HSD17B4: variants seen among roughly 807,000 people sequenced by gnomAD.
The protein encoded by HSD17B4 is hydroxysteroid 17-beta dehydrogenase 4.
A neutral mutation model predicts 101.0 loss-of-function variants in HSD17B4; 70 were observed. The observed-to-expected ratio is 0.69, with a 90% confidence interval of 0.57 to 0.85. The LOEUF (loss-of-function observed/expected upper bound fraction) is 0.85. Ranked by LOEUF, HSD17B4 falls within the 40% of genes least tolerant of loss-of-function variation. HSD17B4 has a pLI of 0.00. For missense variants in HSD17B4, 984 were observed against 892.4 expected (o/e 1.10, Z -1.31); for synonymous variants, 347 against 297.1 (o/e 1.17, Z -1.73).
rs147783941 is a variant in HSD17B4 at position 119,464,884 on chromosome 5, G to A, written c.112+8516G>A. On this transcript the variant is annotated intron_variant, in intron 2 of 23. Transcript: ENST00000510025. ...GCTGGGATTATAGGCGTGAGCCACC[G>A]CGCCCGGCCTTTGGTAGCTCTAGCT... Among the ~76,000 whole-genome samples, 161 of 152,282 alleles carry A rather than the reference G, an allele frequency of 1.1e-3. 2 individuals carry two copies. In the East Asian group the frequency reaches 0.015, roughly 14 times the overall value.
intron 23 of HSD17B4, among the ~76,000 whole-genome samples, chr5:119,537,839 CTGT>C (rs1688668619): frequency 6.6e-6 from 1 of 152,120 alleles, no homozygotes; most frequent in Non-Finnish European, 1.5e-5. Context: ...GGTTCTCCAG[CTGT>C]TGTTTGCCAA....
chr5:119,521,690 G>T (rs1251210034), intron 17 of HSD17B4, among the ~76,000 whole-genome samples: 3 of 151,318 alleles, frequency 2.0e-5, no homozygotes, highest in African/African-American at 7.3e-5. Context: ...ATATGATTTT[G>T]ATTTTTTCTT....
intron 16 of HSD17B4, among the ~76,000 whole-genome samples, chr5:119,514,219 T>A (rs1752415911): frequency 6.6e-6 from 1 of 152,230 alleles, no homozygotes; most frequent in South Asian, 2.1e-4. Context: ...TTTTATGTTT[T>A]GGGTGTGGCG....
chr5:119,532,005 C>T (rs1174474331), intron 22 of HSD17B4, among the ~76,000 whole-genome samples: 1 of 151,988 alleles, frequency 6.6e-6, no homozygotes. Flanking sequence ...TGTGGAGGTC[C>T]AAAGAGACCC....
intron 22 of HSD17B4, 56 bp downstream of exon 22, chr5:119,531,460 A>C (rs947553200): frequency 6.5e-7 from 1 of 1,542,352 alleles, no homozygotes; most frequent in Non-Finnish European, 8.9e-7. Flanking sequence ...TAAATAAAGT[A>C]TCTTTTTAAC....
chr5:119,511,218 A>G (rs191578896), intron 16 of HSD17B4, among the ~76,000 whole-genome samples: 21 of 152,326 alleles, frequency 1.4e-4, no homozygotes, highest in Admixed American at 1.3e-3. Context: ...ACAAGGAAAC[A>G]GAGTCTTTTT....
chr5:119,502,527 A>T (rs1751266674), intron 14 of HSD17B4, among the ~76,000 whole-genome samples: 1 of 104,442 alleles, frequency 9.6e-6, no homozygotes, highest in Admixed American at 1.0e-4. Flanking sequence ...AGAAAATAAA[A>T]ACAAGTCTTT....
intron 15 of HSD17B4, among the ~76,000 whole-genome samples, 184 bp downstream of exon 15, chr5:119,507,073 T>C (rs1009166051): frequency 6.6e-6 from 1 of 152,210 alleles, no homozygotes; most frequent in Non-Finnish European, 1.5e-5. Flanking sequence ...CATTTATTTC[T>C]GGGCTTAGGC....
At chr5:119,501,953 A>AAAATG in intron 13 of HSD17B4, 88 bp from the exon 14 acceptor site, 3 of 800,000 alleles carry the variant, frequency 3.8e-6, no homozygotes, top group Non-Finnish European at 6.7e-6. Flanking sequence ...TGTGGATGGT[A>AAAATG]AAATGTCACT....
chr5:119,527,216 C>T lies in HSD17B4; in HGVS notation c.1764C>T (p.Thr588=). ...AAGGAAACAGAATTCATTTTCAAACCAAGGTATGAATTTTGCTTTTTCACC... is the reference window on the plus strand; with the variant it reads ...AAGGAAACAGAATTCATTTTCAAACTAAGGTATGAATTTTGCTTTTTCACC... ...WKEGNRIHFQ[T]KVQETGDIVI... Residue 588 remains threonine (T), a synonymous_variant, in exon 20 of 24, where the codon ACC becomes ACT. Transcript: ENST00000510025. 1 of 1,589,980 alleles carries T rather than the reference C, an allele frequency of 6.3e-7. No homozygotes were observed. Among genetic ancestry groups the T allele is most frequent in the Non-Finnish European group, 8.6e-7 (1 of 1,158,702 alleles).
chr5:119,537,152 G>A (rs954762701), intron 23 of HSD17B4, among the ~76,000 whole-genome samples: 1 of 152,020 alleles, frequency 6.6e-6, no homozygotes, highest in African/African-American at 2.4e-5. Flanking sequence ...TTAGAATGAA[G>A]GAGTTCAAAC....
chr5:119,533,369 C>G (rs1254439816), intron 22 of HSD17B4, among the ~76,000 whole-genome samples: 2 of 149,270 alleles, frequency 1.3e-5, no homozygotes, highest in Non-Finnish European at 3.0e-5. Context: ...GTTGAGGAAA[C>G]AAAGGTTGTT....
intron 13 of HSD17B4, among the ~76,000 whole-genome samples, chr5:119,501,185 G>A (rs1254524875): frequency 1.3e-5 from 2 of 151,990 alleles, no homozygotes; most frequent in African/African-American, 2.4e-5. Context: ...ATTGGAAATC[G>A]TAAATGGTGT....
intron 1 of HSD17B4, among the ~76,000 whole-genome samples, chr5:119,453,595 T>C (rs900656556): frequency 1.3e-5 from 2 of 152,246 alleles, no homozygotes; most frequent in African/African-American, 4.8e-5. Flanking sequence ...CCCTAATGCA[T>C]GAATTATTTG....
At chr5:119,494,591 A>G (rs1580609911) in intron 11 of HSD17B4, among the ~76,000 whole-genome samples, 2 of 152,206 alleles carry the variant, frequency 1.3e-5, no homozygotes, top group South Asian at 4.1e-4. Context: ...AAAACCGCCC[A>G]GATATTCTAG....
chr5:119,478,387 A>T (rs1335031737), intron 7 of HSD17B4, among the ~76,000 whole-genome samples: 1 of 152,160 alleles, frequency 6.6e-6, no homozygotes, highest in Non-Finnish European at 1.5e-5. Flanking sequence ...AATAAATAAT[A>T]TGATTTATTT....
chr5:119,492,249 A>G, intron 10 of HSD17B4, 125 bp downstream of exon 10: 1 of 782,570 alleles, frequency 1.3e-6, no homozygotes, highest in Non-Finnish European at 2.3e-6. Context: ...TGCATATTCA[A>G]ACTTAAACAT....
chr5:119,526,362 T>G (rs1033179025), intron 19 of HSD17B4, among the ~76,000 whole-genome samples: 2 of 151,734 alleles, frequency 1.3e-5, no homozygotes, highest in African/African-American at 2.4e-5. Context: ...TTCATTAATT[T>G]AATTAAAAAT....
At chr5:119,490,176 G>A (rs1228960924) in intron 9 of HSD17B4, among the ~76,000 whole-genome samples, 2 of 152,084 alleles carry the variant, frequency 1.3e-5, no homozygotes, top group Non-Finnish European at 2.9e-5. Flanking sequence ...AAAACAGTTT[G>A]CATATCTCTG....
Sources: gnomAD v4.1 joint callset for allele counts (sites outside exome capture counted in the v4.1 genomes callset) on GRCh38, gnomAD v4.1.1 for gene constraint, MANE v1.5 for transcripts, NCBI Gene and HGNC (gene_info 2026-07-23, HGNC 2026-07-21) for gene names.